The following CHAT variants were observed in gnomAD, a reference collection of about 807,000 sequenced individuals.
CHAT encodes acetyl CoA:choline O-acetyltransferase.
In CHAT, 61 loss-of-function variants were observed where a neutral mutation model predicts 76.9. The observed-to-expected ratio is 0.79, with a 90% confidence interval of 0.65 to 0.98. The LOEUF (loss-of-function observed/expected upper bound fraction) is 0.98, where lower values mean the gene tolerates loss of function less well. CHAT is among the 50% of genes least tolerant of loss of function. CHAT has a pLI of 0.00. For missense variants in CHAT, 946 were observed against 986.9 expected (o/e 0.96, Z 0.56); for synonymous variants, 407 against 397.4 (o/e 1.02, Z -0.29).
intron 7 of CHAT, among the ~76,000 whole-genome samples, chr10:49,640,981 C>A (rs1391202559): frequency 6.6e-6 from 1 of 152,172 alleles, no homozygotes; most frequent in African/African-American, 2.4e-5. Context: ...GCTGGCATAA[C>A]AATACCACAG....
intron 2 of CHAT, among the ~76,000 whole-genome samples, chr10:49,617,679 C>T (rs11101185): frequency 6.6e-6 from 1 of 152,170 alleles, no homozygotes; most frequent in Non-Finnish European, 1.5e-5. Flanking sequence ...GCCCTTTTGG[C>T]CAGGTCACTA....
intron 7 of CHAT, among the ~76,000 whole-genome samples, chr10:49,630,071 C>A (rs985114026): frequency 2.6e-5 from 4 of 151,904 alleles, no homozygotes; most frequent in Non-Finnish European, 5.9e-5. Context: ...GAAATCATTG[C>A]CACACATGTT....
At chr10:49,638,321 A>G (rs1423244975) in intron 7 of CHAT, among the ~76,000 whole-genome samples, 1 of 152,192 alleles carries the variant, frequency 6.6e-6, no homozygotes, top group Admixed American at 6.5e-5. Flanking sequence ...TAACCAAACT[A>G]TATCATTATA....
chr10:49,613,513 G>A (rs546019774), upstream of CHAT, among the ~76,000 whole-genome samples: 545 of 152,336 alleles, frequency 3.6e-3, 2 homozygotes, highest in Non-Finnish European at 6.2e-3. Flanking sequence ...ATCATAGCGT[G>A]AAGAGGCGGC....
chr10:49,651,925 A>C lies in CHAT; in HGVS notation c.1553A>C (p.Asn518Thr). ...GACTTCATTGTCTATAAGTTTGACA[A>C]CTATGGGAAAACATTCATTAAGAAG... ...NLDFIVYKFD[N>T]YGKTFIKKQK... Residue 518 changes from asparagine (N) to threonine (T), a missense_variant, in exon 11 of 15, where the codon AAC (asparagine) becomes ACC (threonine). This residue lies in a region of CHAT where 349 missense variants were observed against 393.9 expected (regional missense o/e 0.89). Transcript: ENST00000337653. The C allele has an allele frequency of 6.2e-7, 1 of 1,614,162 alleles. No homozygotes were observed. Among genetic ancestry groups the C allele is most frequent in the East Asian group, 2.2e-5 (1 of 44,884 alleles).
At chr10:49,611,579 C>G, upstream of CHAT, 1 of 1,608,598 alleles carries the variant, frequency 6.2e-7, no homozygotes, top group East Asian at 2.2e-5. Context: ...CCAGTGGGCA[C>G]TCCCATCCAC....
chr10:49,636,084 AAAGATT>A (rs1839285110), intron 7 of CHAT, among the ~76,000 whole-genome samples: 2 of 152,234 alleles, frequency 1.3e-5, no homozygotes, highest in Admixed American at 1.3e-4. Context: ...TTGCAATATA[AAAGATT>A]AACGTACAAA....
At chr10:49,631,996 A>G (rs1455802422) in intron 7 of CHAT, among the ~76,000 whole-genome samples, 1 of 152,066 alleles carries the variant, frequency 6.6e-6, no homozygotes, top group Non-Finnish European at 1.5e-5. Context: ...CTCCAGCTCC[A>G]AAACAAAGTG....
rs200361897 is a variant in CHAT, at chr10:49,616,564, C to T, written c.349C>T (p.Arg117Cys). 99 of 1,612,966 alleles carry T rather than the reference C, an allele frequency of 6.1e-5. 1 individual carries two copies. The East Asian group carries it at 1.4e-3, about 23-fold the overall frequency. ...GACGCCCATCCTGGAAAAGGTCCCC[C>T]GTAAGATGGCAGCAAAAACTCCCAG... ...TKTPILEKVP[R>C]KMAAKTPSSE... The change falls in exon 2 of 15, where the codon CGT (arginine) becomes TGT (cysteine). Residue 117 changes from arginine to cysteine, a missense_variant. Arg to Cys is a radical substitution (Grantham distance 180). Around this residue, in one of 3 missense-constraint regions of CHAT, gnomAD observed 548 missense variants for 516.2 expected, o/e 1.06. Transcript: ENST00000337653.
At chr10:49,615,125 G>A (rs1838437896) in intron 1 of CHAT, among the ~76,000 whole-genome samples, 1 of 151,048 alleles carries the variant, frequency 6.6e-6, no homozygotes, top group Non-Finnish European at 1.5e-5. Flanking sequence ...TCAAGCTCAG[G>A]GTCCCTGAAG....
At chr10:49,615,166 G>T (rs373455051) in intron 1 of CHAT, among the ~76,000 whole-genome samples, 37 of 152,026 alleles carry the variant, frequency 2.4e-4, no homozygotes, top group East Asian at 9.7e-4. Context: ...TGGGGGGGAG[G>T]GGGGGGCTCT....
upstream of CHAT, chr10:49,612,860 G>C (rs538705646): frequency 3.2e-5 from 5 of 154,656 alleles, no homozygotes; most frequent in African/African-American, 1.2e-4. Flanking sequence ...TTTCTACCTG[G>C]AAAAGGGGAT....
rs182133544 is a variant in CHAT at position 49,640,468 on chromosome 10, C to A, written c.1112-6037C>A. Among the ~76,000 whole-genome samples the A allele has an allele frequency of 1.5e-4, 23 of 151,410 alleles. No homozygotes were observed. The East Asian group carries it at 4.1e-3, about 27-fold the overall frequency. Reference sequence around the variant, plus strand: ...CACTTCACTGGGTCTCTGTTGACACCCTGGGGGAGGGGACTCCTTATTACT... The same window carrying A: ...CACTTCACTGGGTCTCTGTTGACACACTGGGGGAGGGGACTCCTTATTACT... On this transcript the variant is annotated intron_variant, in intron 7 of 14. Transcript: ENST00000337653.
At chr10:49,618,695 G>A (rs1440429488) in intron 2 of CHAT, among the ~76,000 whole-genome samples, 2 of 152,214 alleles carry the variant, frequency 1.3e-5, no homozygotes, top group Non-Finnish European at 2.9e-5. Flanking sequence ...CTTCTGTGGT[G>A]AACGCTGCTG....
At chr10:49,657,557 G>T (rs947720796) in intron 13 of CHAT, among the ~76,000 whole-genome samples, 11 of 152,150 alleles carry the variant, frequency 7.2e-5, no homozygotes, top group Admixed American at 2.0e-4. Context: ...CTCTGGAGAG[G>T]CTGAAGCAGA....
At position 49,614,604 on chromosome 10, in the gene CHAT, C is replaced by A. The variant is rs897377534; in HGVS notation, c.286+129C>A. ...GACTCGTGGAGTCCTCTGAGTCCTG[C>A]GCAGCAGCGGCCGTCGGGGGTCAGC... On this transcript the variant is annotated intron_variant, in intron 1 of 14. Transcript: ENST00000337653. The A allele has an allele frequency of 3.0e-5, 25 of 838,856 alleles. No homozygotes were observed. In the African/African-American group the frequency reaches 3.8e-4, roughly 13 times the overall value. The allele number at this position is 838,856 out of a possible 1,614,324, so 52.0% of individuals were successfully genotyped here.
chr10:49,616,050 G>C (rs1219228715), intron 1 of CHAT: 4 of 1,613,940 alleles, frequency 2.5e-6, no homozygotes, highest in South Asian at 2.2e-5. Flanking sequence ...CTCCACACCA[G>C]AGATGTGGCC....
chr10:49,661,553 A>C (rs147678915), intron 13 of CHAT: 252 of 152,316 alleles, frequency 1.7e-3, no homozygotes, highest in African/African-American at 6.0e-3. Context: ...TCAAATCCCT[A>C]AACGTGCCTT....
At chr10:49,618,003 C>A (rs2040559874) in intron 2 of CHAT, among the ~76,000 whole-genome samples, 1 of 152,192 alleles carries the variant, frequency 6.6e-6, no homozygotes, top group African/African-American at 2.4e-5. Flanking sequence ...GGGGCCCATT[C>A]ACTCTGCAGC....
Sources: allele counts gnomAD v4.1 joint callset (sites outside exome capture counted in the v4.1 genomes callset), GRCh38; gene constraint gnomAD v4.1.1; regional missense constraint gnomAD v4.1.1; transcripts MANE v1.5; gene names NCBI Gene and HGNC (gene_info 2026-07-23, HGNC 2026-07-21).